Variants in SFMBT2 observed in about 807,000 individuals in gnomAD.
SFMBT2 encodes the protein Scm like with four mbt domains 2, also known as scm-like with four MBT domains protein 2.
In SFMBT2, 38 loss-of-function variants were observed where a neutral mutation model predicts 110.1. That is an observed-to-expected ratio of 0.35 (90% confidence interval 0.27 to 0.45). The LOEUF is 0.45. Among genes scored for constraint, SFMBT2 ranks in the 20% least tolerant of loss-of-function variants. The pLI is 1.00. For synonymous variants in SFMBT2, 425 were observed against 425.4 expected (o/e 1.00, Z 0.01); for missense variants, 1,011 against 1,094.9 (o/e 0.92, Z 1.08).
At chr10:7,251,092 C>T (rs1264396512) in intron 7 of SFMBT2, among the ~76,000 whole-genome samples, 1 of 150,922 alleles carries the variant, frequency 6.6e-6, no homozygotes, top group Admixed American at 6.6e-5. Context: ...TTGATCTTTA[C>T]AAATTATATG....
intron 17 of SFMBT2, 37 bp downstream of exon 17, chr10:7,175,953 G>T (rs1373683241): frequency 6.3e-7 from 1 of 1,587,452 alleles, no homozygotes; most frequent in East Asian, 2.2e-5. Context: ...TTAGGTCTCT[G>T]GGCTCATGCA....
At chr10:7,357,020 T>A (rs1844538071) in intron 4 of SFMBT2, among the ~76,000 whole-genome samples, 1 of 152,238 alleles carries the variant, frequency 6.6e-6, no homozygotes, top group African/African-American at 2.4e-5. Flanking sequence ...ATGCATTTAC[T>A]TCGCAATCTC....
At chr10:7,184,527 C>T (rs764527864) in intron 16 of SFMBT2, among the ~76,000 whole-genome samples, 18 of 152,184 alleles carry the variant, frequency 1.2e-4, no homozygotes, top group Non-Finnish European at 2.4e-4. Flanking sequence ...ATGTCTTTAT[C>T]AGCGGCATGA....
intron 7 of SFMBT2, chr10:7,249,646 TC>T: frequency 1.5e-6 from 1 of 689,148 alleles, no homozygotes; most frequent in Non-Finnish European, 1.8e-6. Flanking sequence ...CCACTCTATA[TC>T]CAACTCTGAG....
Position 7,174,807 on chromosome 10 carries a change from C to T in SFMBT2, c.1984+1183G>A, listed in dbSNP as rs560568789. ...GCAGTGATGGAGAAACAAGCTCTTCCGGAACCAGGTGACCTGCTGGGCCAA... is the reference window on the plus strand; with the variant it reads ...GCAGTGATGGAGAAACAAGCTCTTCTGGAACCAGGTGACCTGCTGGGCCAA... On this transcript the variant is annotated intron_variant, in intron 17 of 20. Transcript: ENST00000397167. Among the ~76,000 whole-genome samples the T allele has an allele frequency of 1.1e-4, 17 of 152,320 alleles. No homozygotes were observed. The South Asian group carries it at 2.1e-3, about 19-fold the overall frequency.
At chr10:7,351,534 G>T (rs888059109) in intron 4 of SFMBT2, among the ~76,000 whole-genome samples, 3 of 152,180 alleles carry the variant, frequency 2.0e-5, no homozygotes, top group African/African-American at 7.2e-5. Flanking sequence ...AGGTTCGCAC[G>T]TTTAATTAAG....
chr10:7,340,549 C>T (rs1349222230), intron 4 of SFMBT2, among the ~76,000 whole-genome samples: 1 of 149,680 alleles, frequency 6.7e-6, no homozygotes, highest in Non-Finnish European at 1.5e-5. Flanking sequence ...CCAACAGGCT[C>T]AAGCAAAGCA....
intron 14 of SFMBT2, among the ~76,000 whole-genome samples, chr10:7,198,933 T>C (rs1838864313): frequency 6.6e-6 from 1 of 152,092 alleles, no homozygotes. Context: ...CAATCCATCC[T>C]GGGTGAAAAG....
At chr10:7,366,974 C>T (rs1466355132) in intron 4 of SFMBT2, among the ~76,000 whole-genome samples, 1 of 152,100 alleles carries the variant, frequency 6.6e-6, no homozygotes, top group Non-Finnish European at 1.5e-5. Context: ...AGAATAGTGG[C>T]TTTGTAGCAA....
chr10:7,280,422 A>T (rs2131833606), intron 6 of SFMBT2, among the ~76,000 whole-genome samples: 1 of 152,358 alleles, frequency 6.6e-6, no homozygotes, highest in East Asian at 1.9e-4. Context: ...TTTTGAAGGA[A>T]AAAAACAAGG....
chr10:7,275,255 T>C (rs745541496), intron 7 of SFMBT2, among the ~76,000 whole-genome samples: 2 of 152,170 alleles, frequency 1.3e-5, no homozygotes, highest in African/African-American at 2.4e-5. Context: ...CATGTGTGTA[T>C]AGGGTACGTC....
chr10:7,364,788 G>A (rs763434886), intron 4 of SFMBT2, among the ~76,000 whole-genome samples: 3 of 152,134 alleles, frequency 2.0e-5, no homozygotes, highest in Admixed American at 6.5e-5. Flanking sequence ...GTGTGTACAC[G>A]GCCCCCGGCA....
rs1274956887 is a variant in SFMBT2 at position 7,171,939 on chromosome 10, C to T, written c.2371G>A (p.Glu791Lys). 2 of 1,459,872 alleles carry T rather than the reference C, an allele frequency of 1.4e-6. No homozygotes were observed. The highest frequency in any genetic ancestry group is 2.9e-5 in the African/African-American group (2 of 69,726). 90.4% of individuals were successfully genotyped at this position (1,459,872 alleles called of 1,614,324 possible). Residue 791 changes from glutamate to lysine, a missense_variant, in exon 19 of 21, where the codon GAG becomes AAG. Physicochemically the swap from Glu to Lys is moderately conservative, Grantham distance 56 (BLOSUM62 1). Coordinates refer to ENST00000397167, the MANE Select transcript of SFMBT2 (RefSeq NM_001387889.1). The surrounding 1 kb of genome is among the most constrained non-coding windows in gnomAD (Gnocchi z 4.9). ...GTCGGCGGGCACTTCTCCCCTTCCT[C>T]TGCTGAGGAGGCAGCCGGCGCCCCG... ...GRGAPAASSA[E>K]EGEKCPPTKP...
rs1838628667 is a variant in SFMBT2, at chr10:7,192,423, A to G, written c.1699-3690T>C. ...AATGAAAGCTCTTCTCCTACCACCA[A>G]GTCTATGAACACTGAAGGCTGCTTG... On this transcript the variant is annotated intron_variant, in intron 15 of 20. Transcript: ENST00000397167. 2.0e-5 allele frequency among the ~76,000 whole-genome samples: 3 copies of G among 152,164 alleles called. No homozygotes were observed. In the South Asian group the frequency reaches 6.2e-4, roughly 32 times the overall value.
chr10:7,341,966 A>C (rs1843919462), intron 4 of SFMBT2, among the ~76,000 whole-genome samples: 1 of 152,166 alleles, frequency 6.6e-6, no homozygotes. Context: ...CAGAGCAAAT[A>C]GTTATTTGAG....
At chr10:7,203,446 G>C (rs902289654) in intron 12 of SFMBT2, 11 of 241,062 alleles carry the variant, frequency 4.6e-5, no homozygotes, top group Non-Finnish European at 7.4e-5. Flanking sequence ...CCCTGGGAAA[G>C]AGCCAAGCAC....
At chr10:7,360,553 GA>G (rs951331100) in intron 4 of SFMBT2, among the ~76,000 whole-genome samples, 47 of 150,668 alleles carry the variant, frequency 3.1e-4, no homozygotes, top group Non-Finnish European at 4.0e-4. Context: ...TTTCTGGGGG[GA>G]AAAAAAAACT....
At chr10:7,229,064 C>A (rs896130704) in intron 9 of SFMBT2, among the ~76,000 whole-genome samples, 2 of 152,168 alleles carry the variant, frequency 1.3e-5, no homozygotes, top group African/African-American at 4.8e-5. Flanking sequence ...CTGTGATTCA[C>A]TGAAGTGTGT....
At chr10:7,218,897 A>G (rs948698923) in intron 11 of SFMBT2, among the ~76,000 whole-genome samples, 6 of 152,216 alleles carry the variant, frequency 3.9e-5, no homozygotes, top group African/African-American at 1.4e-4. Flanking sequence ...AAAAATCAGG[A>G]CACTCTTACT....
Sources: allele counts gnomAD v4.1 joint callset (sites outside exome capture counted in the v4.1 genomes callset), GRCh38; gene constraint gnomAD v4.1.1; non-coding constraint Gnocchi (gnomAD v3.1); transcripts MANE v1.5; gene names NCBI Gene and HGNC (gene_info 2026-07-23, HGNC 2026-07-21).